The following FBXO11 variants were observed in gnomAD, a reference collection of about 807,000 sequenced individuals.
The protein encoded by FBXO11 is F-box protein 11, also known as F-box only protein 11.
In FBXO11, 13 loss-of-function variants were observed where a neutral mutation model predicts 117.0. That is an observed-to-expected ratio of 0.11 (90% confidence interval 0.07 to 0.18). FBXO11 has a LOEUF of 0.18. FBXO11 is among the 10% of genes least tolerant of loss of function. The pLI, the probability that FBXO11 is intolerant of heterozygous loss-of-function variation, is 1.00. For synonymous variants in FBXO11, 490 were observed against 380.5 expected, an observed-to-expected ratio of 1.29 and a Z score of -3.35; for missense variants, 767 against 1,164.4, an observed-to-expected ratio of 0.66 and a Z score of 4.97.
chr2:47,888,519 A>G (rs1258407208), intron 1 of FBXO11: 3 of 177,878 alleles, frequency 1.7e-5, no homozygotes, highest in African/African-American at 7.2e-5. Context: ...CTAATAATTT[A>G]AATTCATTTT....
At chr2:47,840,212 G>A (rs1435683434) in intron 1 of FBXO11, among the ~76,000 whole-genome samples, 1 of 152,094 alleles carries the variant, frequency 6.6e-6, no homozygotes, top group African/African-American at 2.4e-5. Context: ...CAAAGTGCTG[G>A]GATTACAGGC....
At chr2:47,886,015 G>C (rs1572904910) in intron 1 of FBXO11, among the ~76,000 whole-genome samples, 1 of 132,452 alleles carries the variant, frequency 7.5e-6, no homozygotes, top group African/African-American at 2.5e-5. Context: ...TTAACCTCAT[G>C]CATTAATGAT....
rs1393346748 is a variant in FBXO11 at position 47,905,663 on chromosome 2, C to G, written c.58G>C (p.Val20Leu). 1.3e-6 allele frequency: 2 copies of G among 1,498,306 alleles called. No individual in the cohort carries two copies. The highest frequency in any genetic ancestry group is 1.8e-6 in the Non-Finnish European group (2 of 1,125,654). The allele number at this position is 1,498,306 out of a possible 1,614,324, so 92.8% of individuals were successfully genotyped here. Residue 20 changes from valine to leucine, a missense_variant, in exon 1 of 23, where the codon GTG (valine) becomes CTG (leucine). Around this residue, in one of 10 missense-constraint regions of FBXO11, gnomAD observed 355 missense variants for 299.8 expected, o/e 1.18. Coordinates refer to ENST00000403359, the MANE Select transcript of FBXO11 (RefSeq NM_001190274.2). ...GGGGGCTGCTGCTGCTGTTGCTGCA[C>G]CGGGCGCGGCCGCGACACTCGCCTG... ...RPRRVSRPRP[V>L]QQQQQQPPQQ...
intron 1 of FBXO11, among the ~76,000 whole-genome samples, chr2:47,859,562 CAAGA>C (rs1203102158): frequency 6.6e-6 from 1 of 152,176 alleles, no homozygotes; most frequent in Non-Finnish European, 1.5e-5. Context: ...GATGAGACCT[CAAGA>C]AAGATTCTCT....
chr2:47,821,072 GA>G (rs1384860509), intron 13 of FBXO11, among the ~76,000 whole-genome samples: 1 of 152,212 alleles, frequency 6.6e-6, no homozygotes, highest in Non-Finnish European at 1.5e-5. Context: ...AAAACAGAGT[GA>G]AACTATGGAA....
At chr2:47,895,342 C>G (rs1198986809) in intron 1 of FBXO11, among the ~76,000 whole-genome samples, 2 of 152,118 alleles carry the variant, frequency 1.3e-5, no homozygotes, top group Non-Finnish European at 2.9e-5. Context: ...AAAACTAATG[C>G]TACAAGCAGC....
At chr2:47,862,777 G>T (rs752938546) in intron 1 of FBXO11, among the ~76,000 whole-genome samples, 1 of 152,004 alleles carries the variant, frequency 6.6e-6, no homozygotes, top group African/African-American at 2.4e-5. Context: ...GTTTTCAGCC[G>T]GGCGTGGTGG....
chr2:47,838,602 C>T (rs1022090303), intron 4 of FBXO11, among the ~76,000 whole-genome samples: 1 of 152,102 alleles, frequency 6.6e-6, no homozygotes, highest in Non-Finnish European at 1.5e-5. Context: ...TTCTAAAAAG[C>T]TACTAAAAGA....
intron 11 of FBXO11, among the ~76,000 whole-genome samples, chr2:47,826,453 C>T (rs1279057242): frequency 6.6e-6 from 1 of 152,140 alleles, no homozygotes; most frequent in Admixed American, 6.6e-5. Context: ...TCTTTTGATT[C>T]ACATCTATTT....
intron 1 of FBXO11, among the ~76,000 whole-genome samples, chr2:47,854,348 T>TTTAC (rs1216057936): frequency 6.6e-6 from 1 of 151,974 alleles, no homozygotes; most frequent in Non-Finnish European, 1.5e-5. Flanking sequence ...CTACTTAATG[T>TTTAC]TTACTGTTCA....
chr2:47,880,862 G>A (rs1039857037), intron 1 of FBXO11, among the ~76,000 whole-genome samples: 1 of 152,050 alleles, frequency 6.6e-6, no homozygotes, highest in African/African-American at 2.4e-5. Flanking sequence ...CCTTAGGTGT[G>A]TACCTTGTAT....
Position 47,839,405 on chromosome 2 carries a change from C to T in FBXO11, c.442+14G>A, listed in dbSNP as rs1404503454. 6.3e-7 allele frequency: 1 copy of T among 1,595,606 alleles called. No homozygotes were observed. The highest frequency in any genetic ancestry group is 8.5e-7 in the Non-Finnish European group (1 of 1,174,888). ...ATTATTTTACCCTATTTGTTACTTT[C>T]CCACAGGAAATACCTGATAGATCTT... On this transcript the variant is annotated intron_variant, in intron 3 of 22. Transcript: ENST00000403359.
At chr2:47,844,133 T>G (rs1673225575) in intron 1 of FBXO11, among the ~76,000 whole-genome samples, 1 of 152,224 alleles carries the variant, frequency 6.6e-6, no homozygotes, top group Non-Finnish European at 1.5e-5. Context: ...ACCCATCTAC[T>G]GCCAATTTCC....
At chr2:47,857,868 T>C (rs568709234) in intron 1 of FBXO11, among the ~76,000 whole-genome samples, 4 of 152,292 alleles carry the variant, frequency 2.6e-5, no homozygotes, top group Non-Finnish European at 1.5e-5. Context: ...CAGCTGGAAA[T>C]ACAAGAATCA....
At chr2:47,874,588 G>A (rs575584145) in intron 1 of FBXO11, among the ~76,000 whole-genome samples, 1 of 151,834 alleles carries the variant, frequency 6.6e-6, no homozygotes, top group East Asian at 1.9e-4. Flanking sequence ...AGGATGCATT[G>A]CAGTGGTGCA....
At chr2:47,822,071 G>T (rs546991389) in intron 13 of FBXO11, 147 bp downstream of exon 13, 3 of 625,690 alleles carry the variant, frequency 4.8e-6, no homozygotes, top group Non-Finnish European at 5.6e-6. Flanking sequence ...GCACAAGAGA[G>T]TAAGACCTCA....
chr2:47,893,890 G>A (rs1467403762), intron 1 of FBXO11, among the ~76,000 whole-genome samples: 2 of 152,150 alleles, frequency 1.3e-5, no homozygotes, highest in Non-Finnish European at 1.5e-5. Context: ...GTGGCTATGT[G>A]TTGAAAAAAG....
At chr2:47,864,388 G>C (rs1675035384) in intron 1 of FBXO11, among the ~76,000 whole-genome samples, 2 of 152,176 alleles carry the variant, frequency 1.3e-5, no homozygotes. Context: ...AGGAGTTCAA[G>C]ACCAGCCTGG....
intron 1 of FBXO11, among the ~76,000 whole-genome samples, chr2:47,895,724 ACT>A (rs1437567226): frequency 2.0e-5 from 3 of 151,986 alleles, no homozygotes; most frequent in African/African-American, 7.3e-5. Flanking sequence ...ACAGAATTTC[ACT>A]CTTTCACCCA....
Sources: allele counts gnomAD v4.1 joint callset (sites outside exome capture counted in the v4.1 genomes callset), GRCh38; gene constraint gnomAD v4.1.1; regional missense constraint gnomAD v4.1.1; transcripts MANE v1.5; gene names NCBI Gene and HGNC (gene_info 2026-07-23, HGNC 2026-07-21).